ACTR5: variants seen among roughly 807,000 people sequenced by gnomAD.
ACTR5 encodes the protein actin-related protein 5.
Under a neutral mutation model 61.2 loss-of-function variants are expected in ACTR5, and 43 were observed. The observed-to-expected ratio is 0.70, with a 90% confidence interval of 0.55 to 0.91. The LOEUF (loss-of-function observed/expected upper bound fraction) is 0.91. ACTR5 is among the 40% of genes least tolerant of loss of function. The pLI is 0.00. For missense variants in ACTR5, 798 were observed against 782.2 expected (o/e 1.02, Z -0.24); for synonymous variants, 333 against 310.5 (o/e 1.07, Z -0.76).
At chr20:38,749,270 A>G (rs1371043665) in intron 1 of ACTR5, among the ~76,000 whole-genome samples, 1 of 152,138 alleles carries the variant, frequency 6.6e-6, no homozygotes, top group African/African-American at 2.4e-5. Flanking sequence ...AGGGAGTTAC[A>G]TTTTTTCAGT....
In ACTR5 at chr20:38,755,104, T is replaced by C. The variant is rs1172397388; in HGVS notation, c.923T>C (p.Leu308Pro). The change falls in exon 4 of 9, where the codon CTC becomes CCC. Residue 308 changes from leucine (L) to proline (P), a missense_variant. By Grantham distance (98) the Leu-to-Pro change is moderately conservative (BLOSUM62 -3). Transcript: ENST00000243903. ...CAGCAATTGCGGCGGCTGCAGGAGC[T>C]CAATGCCCGGCGGCGGGAGGAGAAG... The part of the protein sequence containing the change: ...RQQQLRRLQE[L>P]NARRREEKLQ... 1 of 1,614,010 alleles carries C rather than the reference T, an allele frequency of 6.2e-7. No individual in the cohort carries two copies. Among genetic ancestry groups the C allele is most frequent in the Non-Finnish European group, 8.5e-7 (1 of 1,180,012 alleles).
intron 3 of ACTR5, 109 bp from the exon 4 acceptor site, chr20:38,754,848 C>A: frequency 9.1e-7 from 1 of 1,102,554 alleles, no homozygotes; most frequent in Non-Finnish European, 1.3e-6. Flanking sequence ...CTCGGCTCCC[C>A]AAAGTGCTGG....
At chr20:38,751,720 AAACTCTG>A (rs2084388126) in intron 2 of ACTR5, among the ~76,000 whole-genome samples, 1 of 152,150 alleles carries the variant, frequency 6.6e-6, no homozygotes, top group Non-Finnish European at 1.5e-5. Context: ...AGGGCTTCTT[AAACTCTG>A]GCCTTCAGTC....
chr20:38,767,531 C>T lies in ACTR5; in HGVS notation c.1501C>T (p.Pro501Ser), dbSNP rs202044751. 39 of 1,614,018 alleles carry T rather than the reference C, an allele frequency of 2.4e-5. No individual in the cohort carries two copies. Among genetic ancestry groups the T allele is most frequent in the Non-Finnish European group, 3.1e-5 (36 of 1,179,950 alleles). Reference sequence around the variant, plus strand: ...CCTCACTGGCGGCAACACGATGTATCCTGGCATGAAAGCCAGAATGGAGAA... The same window carrying T: ...CCTCACTGGCGGCAACACGATGTATTCTGGCATGAAAGCCAGAATGGAGAA... Reference protein sequence around the residue: ...VFLTGGNTMYPGMKARMEKEL... With the variant: ...VFLTGGNTMYSGMKARMEKEL... Residue 501 changes from proline (P) to serine (S), a missense_variant, in exon 8 of 9, where the codon CCT (proline) becomes TCT (serine). Transcript: ENST00000243903.
chr20:38,770,765 G>A (rs1436369969), intron 8 of ACTR5, among the ~76,000 whole-genome samples: 1 of 152,168 alleles, frequency 6.6e-6, no homozygotes, highest in African/African-American at 2.4e-5. Context: ...CCTTGCCCAC[G>A]TGGCAAGCCC....
Position 38,750,228 on chromosome 20 carries a change from C to G in ACTR5, c.594C>G (p.Ile198Met), listed in dbSNP as rs372463725. 1.2e-6 allele frequency: 2 copies of G among 1,613,372 alleles called. No individual in the cohort carries two copies. The highest frequency in any genetic ancestry group is 2.7e-5 in the African/African-American group (2 of 74,926). The change falls in exon 2 of 9, where the codon ATC becomes ATG. Residue 198 changes from isoleucine (I) to methionine (M), a missense_variant. Coordinates refer to ENST00000243903, the MANE Select transcript of ACTR5 (RefSeq NM_024855.4). ...ACCAGTGTACGCATGTTTTACCCATCTTAGAAGGGAGGTGAGTTGCACTTG... is the reference window on the plus strand; with the variant it reads ...ACCAGTGTACGCATGTTTTACCCATGTTAGAAGGGAGGTGAGTTGCACTTG... ...SGYQCTHVLP[I>M]LEGRLDAKNC...
At position 38,765,404 on chromosome 20, in the gene ACTR5, C is replaced by T; in HGVS notation, c.1179C>T (p.Thr393=). Residue 393 remains threonine (T), a splice_region_variant and synonymous_variant, in exon 6 of 9, where the codon ACC becomes ACT. Coordinates refer to ENST00000243903, the MANE Select transcript of ACTR5 (RefSeq NM_024855.4). The part of the protein sequence containing the change: ...EVDVVDSKPE[T]PDLEQLEPSL... ...TTTCATTTTGCTCCTTCTCTTAGAC[C>T]CCTGACCTGGAGCAGCTGGAGCCGT... 6.2e-7 allele frequency: 1 copy of T among 1,613,612 alleles called. No individual in the cohort carries two copies. Among genetic ancestry groups the T allele is most frequent in the South Asian group, 1.1e-5 (1 of 91,062 alleles).
intron 3 of ACTR5, among the ~76,000 whole-genome samples, chr20:38,754,739 C>T (rs1040558176): frequency 2.2e-4 from 34 of 151,946 alleles, no homozygotes; most frequent in Admixed American, 2.2e-3. Flanking sequence ...CAGGTGCCCG[C>T]CACCACGCAT....
chr20:38,751,636 G>T (rs1347726269), intron 2 of ACTR5, among the ~76,000 whole-genome samples: 1 of 152,088 alleles, frequency 6.6e-6, no homozygotes, highest in African/African-American at 2.4e-5. Context: ...AAATTATTCT[G>T]GTTCTTTTAC....
Position 38,752,164 on chromosome 20 carries a change from T to C in ACTR5, c.639T>C (p.Leu213=), listed in dbSNP as rs749289878. 5 of 1,613,964 alleles carry C rather than the reference T, an allele frequency of 3.1e-6. No homozygotes were observed. Among genetic ancestry groups the C allele is most frequent in the Non-Finnish European group, 4.2e-6 (5 of 1,179,868 alleles). ...CTAAAAACTGCAAGCGCATCAATCT[T>C]GGAGGAAGCCAAGCAGCTGGTTACC... The part of the protein sequence containing the change: ...LDAKNCKRIN[L]GGSQAAGYLQ... Residue 213 remains leucine, a synonymous_variant, in exon 3 of 9, where the codon CTT becomes CTC. Coordinates refer to ENST00000243903, the MANE Select transcript of ACTR5 (RefSeq NM_024855.4).
At chr20:38,767,091 G>C (rs2084491222) in intron 7 of ACTR5, among the ~76,000 whole-genome samples, 1 of 152,188 alleles carries the variant, frequency 6.6e-6, no homozygotes, top group South Asian at 2.1e-4. Flanking sequence ...ATGGCTTTTG[G>C]GGATAATGGA....
chr20:38,759,658 A>G (rs1259216802), intron 5 of ACTR5, among the ~76,000 whole-genome samples: 5 of 152,140 alleles, frequency 3.3e-5, no homozygotes, highest in Non-Finnish European at 7.4e-5. Flanking sequence ...GGTGTATCCC[A>G]GGGGCCCACC....
chr20:38,758,991 A>G (rs963409118), intron 5 of ACTR5, among the ~76,000 whole-genome samples: 1 of 152,198 alleles, frequency 6.6e-6, no homozygotes, highest in Non-Finnish European at 1.5e-5. Flanking sequence ...GACCCTTGCT[A>G]TTCTGCAGTT....
chr20:38,755,309 G>T (rs912726737), intron 4 of ACTR5, 135 bp downstream of exon 4: 1 of 880,788 alleles, frequency 1.1e-6, no homozygotes, highest in African/African-American at 1.7e-5. Context: ...GAGTCCAGGG[G>T]GATCATCAGC....
intron 1 of ACTR5, among the ~76,000 whole-genome samples, chr20:38,749,165 C>T (rs997776212): frequency 1.3e-5 from 2 of 152,162 alleles, no homozygotes; most frequent in African/African-American, 2.4e-5. Context: ...ACTTCCTGTG[C>T]TTATGGAGCT....
chr20:38,768,437 C>T (rs555630288), intron 8 of ACTR5, among the ~76,000 whole-genome samples: 1 of 152,206 alleles, frequency 6.6e-6, no homozygotes, highest in South Asian at 2.1e-4. Flanking sequence ...ACAAGGTGCC[C>T]GGGGTGAAAT....
In ACTR5 at chr20:38,748,725, G is replaced by T; in HGVS notation, c.247G>T (p.Ala83Ser). ...CGCGTCGGGCCCGCAGGTGGGGAAC[G>T]CTCTGGGCAGCCTGGAGCCACTGCG... ...RGASGPQVGN[A>S]LGSLEPLRWM... Residue 83 changes from alanine (A) to serine (S), a missense_variant, in exon 1 of 9, where the codon GCT becomes TCT. Ala to Ser is a moderately conservative substitution (Grantham distance 99, BLOSUM62 1). Coordinates refer to ENST00000243903, the MANE Select transcript of ACTR5 (RefSeq NM_024855.4). 6.4e-7 allele frequency: 1 copy of T among 1,563,474 alleles called. No individual in the cohort carries two copies. Among genetic ancestry groups the T allele is most frequent in the Middle Eastern group, 2.2e-4 (1 of 4,510 alleles).
intron 8 of ACTR5, among the ~76,000 whole-genome samples, chr20:38,770,987 C>A (rs1203278485): frequency 6.6e-6 from 1 of 152,208 alleles, no homozygotes; most frequent in East Asian, 1.9e-4. Context: ...TGCAGTGTTA[C>A]CATAATGATC....
chr20:38,765,933 G>A (rs148208978), intron 6 of ACTR5, among the ~76,000 whole-genome samples: 1 of 152,320 alleles, frequency 6.6e-6, no homozygotes, highest in African/African-American at 2.4e-5. Context: ...CAGGGATAGG[G>A]CACTAAGCAA....
Sources: gnomAD v4.1 joint callset for allele counts (sites outside exome capture counted in the v4.1 genomes callset) on GRCh38, gnomAD v4.1.1 for gene constraint, MANE v1.5 for transcripts, NCBI Gene and HGNC (gene_info 2026-07-23, HGNC 2026-07-21) for gene names.